The following SEPTIN9 variants were observed in gnomAD, a reference collection of about 807,000 sequenced individuals.
The protein encoded by SEPTIN9 is septin 9.
Under a neutral mutation model 56.6 loss-of-function variants are expected in SEPTIN9, and 13 were observed. The observed-to-expected ratio is 0.23, with a 90% CI of 0.15 to 0.37. The LOEUF is 0.37. SEPTIN9 is among the 10% of genes least tolerant of loss of function. The pLI, the probability that SEPTIN9 is intolerant of heterozygous loss-of-function variation, is 1.00. For synonymous variants in SEPTIN9, 332 were observed against 334.1 expected (o/e 0.99, Z 0.07); for missense variants, 650 against 823.1 (o/e 0.79, Z 2.57).
intron 1 of SEPTIN9, among the ~76,000 whole-genome samples, chr17:77,297,849 A>G (rs141672199): frequency 1.3e-5 from 2 of 152,366 alleles, no homozygotes; most frequent in Non-Finnish European, 2.9e-5. Flanking sequence ...GTGATTGCAT[A>G]GAAAGTGACT....
chr17:77,349,592 C>T (rs2033994699), intron 2 of SEPTIN9, among the ~76,000 whole-genome samples: 1 of 152,136 alleles, frequency 6.6e-6, no homozygotes, highest in Non-Finnish European at 1.5e-5. Flanking sequence ...TCCCTGGATG[C>T]TTTTAAGACT....
intron 3 of SEPTIN9, among the ~76,000 whole-genome samples, chr17:77,455,093 C>G (rs1424278035): frequency 6.6e-6 from 1 of 151,204 alleles, no homozygotes; most frequent in South Asian, 2.1e-4. Context: ...ACACTAAATG[C>G]GATTTGTCAA....
intron 2 of SEPTIN9, among the ~76,000 whole-genome samples, chr17:77,364,528 C>T (rs2034515434): frequency 6.6e-6 from 1 of 152,196 alleles, no homozygotes; most frequent in African/African-American, 2.4e-5. Context: ...AGAGGTTCCT[C>T]TTCTCTCTTC....
intron 1 of SEPTIN9, among the ~76,000 whole-genome samples, chr17:77,283,526 C>T (rs2031132934): frequency 6.6e-6 from 1 of 151,620 alleles, no homozygotes; most frequent in Admixed American, 6.6e-5. Context: ...CCCAACAAGC[C>T]ATCGACACCA....
chr17:77,451,065 G>T lies in SEPTIN9; in HGVS notation c.722-31079G>T. The T allele has an allele frequency of 6.4e-6, 1 of 155,480 alleles. No homozygotes were observed. Among genetic ancestry groups the T allele is most frequent in the Non-Finnish European group, 1.4e-5 (1 of 71,070 alleles). The allele number at this position is 155,480 out of a possible 1,614,324, so 9.6% of individuals were successfully genotyped here. Reference sequence around the variant, plus strand: ...CAGGTCAGTTTCAGGACCTGGCTGAGAGGAGGGGGCTCCTCACGGGCACCG... The same window carrying T: ...CAGGTCAGTTTCAGGACCTGGCTGATAGGAGGGGGCTCCTCACGGGCACCG... On this transcript the variant is annotated intron_variant, in intron 3 of 11. Transcript: ENST00000427177. This position sits in a 1 kb window ranked among gnomAD's most constrained non-coding sequence, Gnocchi z 4.2.
intron 2 of SEPTIN9, among the ~76,000 whole-genome samples, chr17:77,350,072 A>G (rs574218127): frequency 8.6e-4 from 131 of 152,348 alleles, no homozygotes; most frequent in African/African-American, 3.1e-3. Context: ...TGGGGTCTCC[A>G]GCCTAGCACC....
rs1237636697 is a variant in SEPTIN9 at position 77,402,687 on chromosome 17, A to T, written c.705A>T (p.Thr235=). 6.3e-7 allele frequency: 1 copy of T among 1,591,864 alleles called. No homozygotes were observed. The highest frequency in any genetic ancestry group is 1.8e-5 in the Admixed American group (1 of 55,890). The change falls in exon 3 of 12, where the codon ACA becomes ACT. Residue 235 remains threonine (T), a synonymous_variant. Coordinates refer to ENST00000427177, the MANE Select transcript of SEPTIN9 (RefSeq NM_001113491.2). This position sits in a 1 kb window ranked among gnomAD's most constrained non-coding sequence, Gnocchi z 6.6. ...PKPQPPVAEA[T]PRSQEATEAA... The stretch of plus-strand genomic sequence containing the variant: ...CCCAGCCCCCTGTGGCTGAGGCTAC[A>T]CCCCGGAGCCAGGAGGGTGAGTCGC...
Position 77,310,731 on chromosome 17 carries a change from C to T in SEPTIN9, c.76+3534C>T, listed in dbSNP as rs956316908. Among the ~76,000 whole-genome samples the T allele has an allele frequency of 6.6e-6, 1 of 152,150 alleles. No individual in the cohort carries two copies. The highest frequency in any genetic ancestry group is 1.5e-5 in the Non-Finnish European group (1 of 68,006). ...TCAGGCAGCCGCCTCTCTGACTGAG[C>T]GTCCAGCGGACTTTTGCCCTGTTTC... is the stretch of plus-strand genomic sequence containing the variant. On this transcript the variant is annotated intron_variant, in intron 2 of 11. Coordinates refer to ENST00000427177, the MANE Select transcript of SEPTIN9 (RefSeq NM_001113491.2). The surrounding 1 kb of genome is among the most constrained non-coding windows in gnomAD (Gnocchi z 4.7).
At chr17:77,471,432 C>G (rs1385353907) in intron 3 of SEPTIN9, among the ~76,000 whole-genome samples, 2 of 152,262 alleles carry the variant, frequency 1.3e-5, no homozygotes, top group African/African-American at 4.8e-5. Context: ...GGCAGGGGGC[C>G]ACCCTGTTGC....
intron 2 of SEPTIN9, among the ~76,000 whole-genome samples, chr17:77,384,634 A>G (rs1206974819): frequency 6.6e-6 from 1 of 152,032 alleles, no homozygotes; most frequent in East Asian, 1.9e-4. Context: ...AGCCAGAACC[A>G]CCAAGAGTTG....
chr17:77,478,014 G>A (rs866252165), intron 3 of SEPTIN9, among the ~76,000 whole-genome samples: 3 of 151,936 alleles, frequency 2.0e-5, no homozygotes, highest in African/African-American at 2.4e-5. Context: ...ACGGTCTTTG[G>A]GGGGGGTCAC....
chr17:77,494,930 A>G (rs567449144), intron 10 of SEPTIN9, among the ~76,000 whole-genome samples: 1 of 152,346 alleles, frequency 6.6e-6, no homozygotes, highest in East Asian at 1.9e-4. Context: ...GGTGTTTTCC[A>G]GTATCCGCCT....
intron 10 of SEPTIN9, among the ~76,000 whole-genome samples, chr17:77,494,895 G>A (rs904711075): frequency 1.3e-5 from 2 of 152,352 alleles, no homozygotes; most frequent in African/African-American, 4.8e-5. Flanking sequence ...CACCCTGCGG[G>A]AGCTGCCCAG....
At chr17:77,484,987 TGTGATG>T (rs796806467) in intron 4 of SEPTIN9, among the ~76,000 whole-genome samples, 3 of 6,754 alleles carry the variant, frequency 4.4e-4, no homozygotes, top group Non-Finnish European at 5.1e-4. Context: ...TGGTGGTGAT[TGTGATG>T]GTGGTGAAGG....
chr17:77,342,983 A>G (rs1011922503), intron 2 of SEPTIN9, among the ~76,000 whole-genome samples: 2 of 127,400 alleles, frequency 1.6e-5, no homozygotes, highest in African/African-American at 6.4e-5. Context: ...TCAAAAATCA[A>G]TGTATCTGTC....
At chr17:77,351,948 C>A (rs1314081220) in intron 2 of SEPTIN9, among the ~76,000 whole-genome samples, 2 of 152,206 alleles carry the variant, frequency 1.3e-5, no homozygotes, top group Non-Finnish European at 2.9e-5. Context: ...CTGACACTTG[C>A]TGACCAGAGC....
intron 2 of SEPTIN9, among the ~76,000 whole-genome samples, chr17:77,348,467 T>G (rs1225459887): frequency 6.6e-6 from 1 of 151,980 alleles, no homozygotes; most frequent in South Asian, 2.1e-4. Context: ...GGCCGGCTAA[T>G]TTTTGTATTT....
chr17:77,495,085 C>T (rs1176237708), intron 10 of SEPTIN9, among the ~76,000 whole-genome samples: 1 of 152,196 alleles, frequency 6.6e-6, no homozygotes, highest in African/African-American at 2.4e-5. Flanking sequence ...CTGGGACGGG[C>T]CGGCGGCTTT....
chr17:77,287,834 T>G (rs2031346478), intron 1 of SEPTIN9: 2 of 999,672 alleles, frequency 2.0e-6, no homozygotes, highest in South Asian at 9.4e-5. Flanking sequence ...CCTGAAAACC[T>G]CCAGGACAGG....
Sources: gnomAD v4.1 joint callset for allele counts (sites outside exome capture counted in the v4.1 genomes callset) on GRCh38, gnomAD v4.1.1 for gene constraint, Gnocchi (gnomAD v3.1) non-coding constraint, MANE v1.5 for transcripts, NCBI Gene and HGNC (gene_info 2026-07-23, HGNC 2026-07-21) for gene names.